KLHL29: variants seen among roughly 807,000 people sequenced by gnomAD.
KLHL29 encodes the protein kelch like family member 29.
Under a neutral mutation model 80.4 loss-of-function variants are expected in KLHL29, and 21 were observed. The ratio of observed to expected loss-of-function variants is 0.26; its 90% confidence interval spans 0.19 to 0.38. KLHL29 has a LOEUF of 0.38. Among genes scored for constraint, KLHL29 ranks in the 10% least tolerant of loss-of-function variants. The pLI is 1.00. For missense variants in KLHL29, 867 were observed against 1,223.9 expected (o/e 0.71, Z 4.35); for synonymous variants, 511 against 526.8 (o/e 0.97, Z 0.41).
chr2:23,398,904 C>T (rs17038482), intron 1 of KLHL29, among the ~76,000 whole-genome samples: 6,398 of 152,290 alleles, frequency 0.042, 164 homozygotes, highest in Middle Eastern at 0.1. Context: ...CATACAGGCC[C>T]TGGCATCTTG....
intron 5 of KLHL29, among the ~76,000 whole-genome samples, chr2:23,675,944 A>T (rs1478974024): frequency 4.6e-5 from 7 of 152,196 alleles, no homozygotes; most frequent in Admixed American, 2.6e-4. Context: ...ACCCACAATG[A>T]ATTCCAATCA....
intron 1 of KLHL29, among the ~76,000 whole-genome samples, chr2:23,395,338 A>G (rs2723147): frequency 0.067 from 10,232 of 152,244 alleles, 626 homozygotes; most frequent in African/African-American, 0.16. Context: ...TTGTCTCTCC[A>G]TCACAGTAGA....
intron 1 of KLHL29, among the ~76,000 whole-genome samples, chr2:23,386,031 G>A (rs1239410865): frequency 6.6e-6 from 1 of 152,164 alleles, no homozygotes; most frequent in Admixed American, 6.5e-5. Context: ...GCCCCCGGGT[G>A]TGTATGCACC....
chr2:23,651,398 C>G (rs1670083565), intron 5 of KLHL29, among the ~76,000 whole-genome samples: 2 of 152,128 alleles, frequency 1.3e-5, no homozygotes. Flanking sequence ...TCCCCTCTTG[C>G]AAATGACCTC....
intron 3 of KLHL29, among the ~76,000 whole-genome samples, chr2:23,579,513 C>G (rs529051389): frequency 6.6e-6 from 1 of 152,142 alleles, no homozygotes; most frequent in Non-Finnish European, 1.5e-5. Flanking sequence ...TCTTCCCTCC[C>G]TCGCCATCCT....
chr2:23,614,312 T>C (rs1448056445), intron 3 of KLHL29, among the ~76,000 whole-genome samples: 1 of 152,218 alleles, frequency 6.6e-6, no homozygotes, highest in Non-Finnish European at 1.5e-5. Flanking sequence ...GCCGTGTCAC[T>C]GGCATGCGTC....
At chr2:23,557,297 C>A (rs2879581) in intron 2 of KLHL29, among the ~76,000 whole-genome samples, 1 of 151,632 alleles carries the variant, frequency 6.6e-6, no homozygotes, top group Admixed American at 6.6e-5. Context: ...CACCTTTGGT[C>A]CTTTAACTGT....
rs952603267 is a variant in KLHL29, at chr2:23,457,728, G to A, written c.-153-17832G>A. 3.3e-5 allele frequency among the ~76,000 whole-genome samples: 5 copies of A among 152,158 alleles called. No homozygotes were observed. Among genetic ancestry groups the A allele is most frequent in the South Asian group, 2.1e-4 (1 of 4,824 alleles). On this transcript the variant is annotated intron_variant, in intron 1 of 13. Transcript: ENST00000486442. This position sits in a 1 kb window ranked among gnomAD's most constrained non-coding sequence, Gnocchi z 4.3. ...TATTATCTGGGACTCTAAAGAAAACGTAAGGCCGGGCGCGGTGGCTCACAC... is the reference window on the plus strand; with the variant it reads ...TATTATCTGGGACTCTAAAGAAAACATAAGGCCGGGCGCGGTGGCTCACAC...
chr2:23,387,104 G>A (rs938842517), intron 1 of KLHL29, among the ~76,000 whole-genome samples: 2 of 152,184 alleles, frequency 1.3e-5, no homozygotes, highest in African/African-American at 4.8e-5. Context: ...CCGTGCTTGC[G>A]CCGCGGCGCG....
chr2:23,553,904 C>G (rs926944879), intron 2 of KLHL29, among the ~76,000 whole-genome samples: 48 of 152,204 alleles, frequency 3.2e-4, no homozygotes, highest in African/African-American at 1.1e-3. Context: ...TAGAACATGC[C>G]AGTCCGTCGC....
rs1165733421 is a variant in KLHL29 at position 23,596,749 on chromosome 2, A to G, written c.285+34268A>G. 2.0e-5 allele frequency among the ~76,000 whole-genome samples: 3 copies of G among 152,206 alleles called. No individual in the cohort carries two copies. Among genetic ancestry groups the G allele is most frequent in the Admixed American group, 6.5e-5 (1 of 15,284 alleles). ...GCTGGGGCAGAGCCATCTCTTACAC[A>G]CAACGGCGAAATTATTTTCTTCATC... On this transcript the variant is annotated intron_variant, in intron 3 of 13. Transcript: ENST00000486442. The surrounding 1 kb of genome is among the most constrained non-coding windows in gnomAD (Gnocchi z 4.4).
chr2:23,418,200 G>C (rs1436101031), intron 1 of KLHL29, among the ~76,000 whole-genome samples: 1 of 152,174 alleles, frequency 6.6e-6, no homozygotes, highest in Admixed American at 6.5e-5. Context: ...GCTTCCACCT[G>C]CCCTCCTGCC....
intron 2 of KLHL29, among the ~76,000 whole-genome samples, chr2:23,535,153 G>A (rs1666623679): frequency 6.6e-6 from 1 of 152,242 alleles, no homozygotes; most frequent in African/African-American, 2.4e-5. Flanking sequence ...GGATACAGGG[G>A]CCTGTTGTGG....
chr2:23,603,269 G>C (rs970085033), intron 3 of KLHL29, among the ~76,000 whole-genome samples: 1 of 152,164 alleles, frequency 6.6e-6, no homozygotes, highest in African/African-American at 2.4e-5. Flanking sequence ...CAGAGGTAGG[G>C]CCTCAATCCA....
At chr2:23,438,756 A>G (rs1488545030) in intron 1 of KLHL29, among the ~76,000 whole-genome samples, 2 of 151,964 alleles carry the variant, frequency 1.3e-5, no homozygotes, top group Non-Finnish European at 2.9e-5. Context: ...CATCAAGGAT[A>G]TTGGTCTAAA....
intron 1 of KLHL29, among the ~76,000 whole-genome samples, chr2:23,418,612 G>A (rs562933631): frequency 9.9e-5 from 15 of 152,270 alleles, no homozygotes; most frequent in Admixed American, 5.2e-4. Flanking sequence ...ATTAGATTTA[G>A]CCCTGTGCTA....
intron 3 of KLHL29, among the ~76,000 whole-genome samples, chr2:23,627,291 G>A (rs1285913035): frequency 6.6e-6 from 1 of 152,140 alleles, no homozygotes; most frequent in Non-Finnish European, 1.5e-5. Flanking sequence ...CTGAACCAAG[G>A]TGGGGCCAAA....
rs191936582 is a variant in KLHL29 at position 23,467,936 on chromosome 2, G to A, written c.-153-7624G>A. ...TGCCCTCCGTGCCCACTTCTTTGGC[G>A]GGGTGGTGGAAGAGAAGGCTCCATC... On this transcript the variant is annotated intron_variant, in intron 1 of 13. Transcript: ENST00000486442. Among the ~76,000 whole-genome samples, 88 of 151,860 alleles carry A rather than the reference G, an allele frequency of 5.8e-4. 1 individual carries two copies. In the South Asian group the frequency reaches 0.017, roughly 29 times the overall value.
chr2:23,480,489 C>T (rs1021624550), intron 2 of KLHL29, among the ~76,000 whole-genome samples: 1 of 36,854 alleles, frequency 2.7e-5, no homozygotes, highest in African/African-American at 3.4e-4. Context: ...GATTCTGTCT[C>T]AAAAAAAAAC....
Sources: gnomAD v4.1 joint callset for allele counts (sites outside exome capture counted in the v4.1 genomes callset) on GRCh38, gnomAD v4.1.1 for gene constraint, Gnocchi (gnomAD v3.1) non-coding constraint, MANE v1.5 for transcripts, NCBI Gene and HGNC (gene_info 2026-07-23, HGNC 2026-07-21) for gene names.